The following PIEZO2 variants were observed in gnomAD, a reference collection of about 807,000 sequenced individuals.
PIEZO2 encodes piezo-type mechanosensitive ion channel component 2.
A neutral mutation model predicts 337.3 loss-of-function variants in PIEZO2; 172 were observed. The observed-to-expected ratio is 0.51, with a 90% CI of 0.45 to 0.58. The LOEUF is 0.58. PIEZO2 is among the 20% of genes least tolerant of loss of function. PIEZO2 has a pLI of 0.00. For synonymous variants in PIEZO2, 1,251 were observed against 1,228.5 expected (o/e 1.02, Z -0.38); for missense variants, 3,028 against 3,391.3 (o/e 0.89, Z 2.66).
rs1053984483 is a variant in PIEZO2, at chr18:11,032,678, A to T, written c.160+33449T>A. ...AAATGCATTTCAGTTTTAAAATGTT[A>T]CTGTTCACAGTAGCAGAAATCTCTC... On this transcript the variant is annotated intron_variant, in intron 2 of 55. Transcript: ENST00000674853. The surrounding 1 kb of genome is among the most constrained non-coding windows in gnomAD (Gnocchi z 4.9). Among the ~76,000 whole-genome samples the T allele has an allele frequency of 1.3e-5, 2 of 152,236 alleles. No individual in the cohort carries two copies. Among genetic ancestry groups the T allele is most frequent in the Non-Finnish European group, 2.9e-5 (2 of 68,040 alleles).
chr18:10,748,344 G>C lies in PIEZO2; in HGVS notation c.4424+127C>G. ...CTTGTGCTAAATTCTTCTTGGATTG[G>C]TTTTGCTGGAAGGGATTTCTTAACT... On this transcript the variant is annotated intron_variant, in intron 30 of 55. Transcript: ENST00000674853. The surrounding 1 kb of genome is among the most constrained non-coding windows in gnomAD (Gnocchi z 5.1). The C allele has an allele frequency of 1.1e-6, 1 of 924,984 alleles. No individual in the cohort carries two copies. The highest frequency in any genetic ancestry group is 1.6e-6 in the Non-Finnish European group (1 of 627,516). The allele number at this position is 924,984 out of a possible 1,614,324, so 57.3% of individuals were successfully genotyped here.
At chr18:11,053,737 C>G (rs1302126145) in intron 2 of PIEZO2, among the ~76,000 whole-genome samples, 1 of 152,176 alleles carries the variant, frequency 6.6e-6, no homozygotes, top group East Asian at 1.9e-4. Flanking sequence ...GGTTAAAAGA[C>G]TTAATACCTC....
chr18:10,900,831 C>A (rs1360008213), intron 4 of PIEZO2, among the ~76,000 whole-genome samples: 1 of 152,172 alleles, frequency 6.6e-6, no homozygotes, highest in Non-Finnish European at 1.5e-5. Context: ...TCTTACCTAA[C>A]CACAACCTTC....
At chr18:10,907,340 G>A (rs1310845103) in intron 4 of PIEZO2, among the ~76,000 whole-genome samples, 1 of 151,978 alleles carries the variant, frequency 6.6e-6, no homozygotes, top group African/African-American at 2.4e-5. Flanking sequence ...CTACTTGATA[G>A]GCTGAGGCAG....
rs2034011814 is a variant in PIEZO2, at chr18:10,676,596, A to G, written c.8081+1151T>C. Among the ~76,000 whole-genome samples, 1 of 152,214 alleles carries G rather than the reference A, an allele frequency of 6.6e-6. No individual in the cohort carries two copies. The highest frequency in any genetic ancestry group is 1.5e-5 in the Non-Finnish European group (1 of 68,036). On this transcript the variant is annotated intron_variant, in intron 53 of 55. Coordinates refer to ENST00000674853, the MANE Select transcript of PIEZO2 (RefSeq NM_001378183.1). This position sits in a 1 kb window ranked among gnomAD's most constrained non-coding sequence, Gnocchi z 5.1. ...ATTCAGAGACCCAGGGGCAGGAATA[A>G]TAGTAGAAAAGGGTCTCACAGGGTC...
chr18:10,770,603 C>A (rs1411773975), intron 20 of PIEZO2, among the ~76,000 whole-genome samples: 1 of 152,160 alleles, frequency 6.6e-6, no homozygotes, highest in Admixed American at 6.5e-5. Context: ...CACTCGCTTG[C>A]TTGCTTGCTT....
intron 15 of PIEZO2, among the ~76,000 whole-genome samples, chr18:10,788,795 A>G (rs1354780290): frequency 6.6e-6 from 1 of 152,182 alleles, no homozygotes; most frequent in African/African-American, 2.4e-5. Flanking sequence ...TATTTTGCCC[A>G]GGTTGGTTTG....
rs2040234971 is a variant in PIEZO2 at position 11,127,968 on chromosome 18, C to T, written c.64+20557G>A. On this transcript the variant is annotated intron_variant, in intron 1 of 55. Coordinates refer to ENST00000674853, the MANE Select transcript of PIEZO2 (RefSeq NM_001378183.1). This position sits in a 1 kb window ranked among gnomAD's most constrained non-coding sequence, Gnocchi z 4.5. The stretch of plus-strand genomic sequence containing the variant: ...AGTTGGCTGCTTAGTATGATTAGAC[C>T]TGAAAATGCTAAGGACTCTACTGCT... 6.6e-6 allele frequency among the ~76,000 whole-genome samples: 1 copy of T among 151,830 alleles called. No individual in the cohort carries two copies. Among genetic ancestry groups the T allele is most frequent in the African/African-American group, 2.4e-5 (1 of 41,296 alleles).
In PIEZO2 at chr18:10,675,402, T is replaced by C. The variant is rs1268172119; in HGVS notation, c.8082-114A>G. 5 of 593,534 alleles carry C rather than the reference T, an allele frequency of 8.4e-6. No homozygotes were observed. In the African/African-American group the frequency reaches 9.5e-5, roughly 11 times the overall value. 36.8% of individuals were successfully genotyped at this position (593,534 alleles called of 1,614,324 possible). A position where few individuals can be genotyped will look rare whatever the true frequency, so the allele number is the denominator to read the frequency against. On this transcript the variant is annotated intron_variant, in intron 53 of 55. Coordinates refer to ENST00000674853, the MANE Select transcript of PIEZO2 (RefSeq NM_001378183.1). The stretch of plus-strand genomic sequence containing the variant: ...TCACCAAATAATAGTGAAAGTTTCA[T>C]ATATCTGTACAATGTGTAGACATCA...
chr18:11,134,516 C>T (rs1415179728), intron 1 of PIEZO2, among the ~76,000 whole-genome samples: 1 of 152,124 alleles, frequency 6.6e-6, no homozygotes, highest in Non-Finnish European at 1.5e-5. Flanking sequence ...TCTAAAAAGG[C>T]CCTCATCCCA....
chr18:11,024,493 C>A (rs1325820974), intron 2 of PIEZO2, among the ~76,000 whole-genome samples: 1 of 145,696 alleles, frequency 6.9e-6, no homozygotes, highest in Non-Finnish European at 1.5e-5. Flanking sequence ...TTGCAGTGAG[C>A]CGAGATCGCG....
chr18:10,916,689 G>A (rs536299718), intron 3 of PIEZO2, among the ~76,000 whole-genome samples: 131 of 152,282 alleles, frequency 8.6e-4, no homozygotes, highest in African/African-American at 3.0e-3. Context: ...CAAGGAGAGG[G>A]AGCCAGCTGC....
At chr18:11,007,611 A>T (rs948308219) in intron 2 of PIEZO2, among the ~76,000 whole-genome samples, 1 of 152,208 alleles carries the variant, frequency 6.6e-6, no homozygotes, top group African/African-American at 2.4e-5. Flanking sequence ...AAAATTTTTA[A>T]AGAAGCCAGA....
In PIEZO2 at chr18:10,766,988, C is replaced by A. The variant is rs1025604555; in HGVS notation, c.2946+3160G>T. Among the ~76,000 whole-genome samples the A allele has an allele frequency of 2.1e-5, 3 of 143,508 alleles. No homozygotes were observed. The highest frequency in any genetic ancestry group is 2.2e-4 in the East Asian group (1 of 4,486). 94.1% of individuals were successfully genotyped at this position (143,508 alleles called of 152,430 possible). ...TCCTTCCTTCCTCCCACCTTCCATT[C>A]CCTCCCCTCCCCTCCCCTCCCCTTC... is the stretch of plus-strand genomic sequence containing the variant. On this transcript the variant is annotated intron_variant, in intron 21 of 55. Transcript: ENST00000674853. The surrounding 1 kb of genome is among the most constrained non-coding windows in gnomAD (Gnocchi z 6.1).
At chr18:10,785,574 C>G (rs944506084) in intron 16 of PIEZO2, among the ~76,000 whole-genome samples, 1 of 152,200 alleles carries the variant, frequency 6.6e-6, no homozygotes, top group East Asian at 1.9e-4. Flanking sequence ...TCTCCCCACT[C>G]TAGTATCCCT....
intron 4 of PIEZO2, chr18:10,908,570 T>C (rs2030168237): frequency 6.6e-6 from 1 of 152,242 alleles, no homozygotes; most frequent in African/African-American, 2.4e-5. Flanking sequence ...ACTGTAAATA[T>C]ACAAGAACCT....
chr18:10,765,423 C>T (rs1030111160), intron 21 of PIEZO2, among the ~76,000 whole-genome samples: 5 of 152,230 alleles, frequency 3.3e-5, no homozygotes, highest in African/African-American at 7.2e-5. Flanking sequence ...TCTTATACCA[C>T]GTTACGGTGA....
Position 10,726,255 on chromosome 18 carries a change from C to A in PIEZO2, c.5029+5152G>T. ...GGGCTGGAAGAGCTTGTGTGCGAGC[C>A]TGTGTTCGGGAGCATGAGAATGGAA... On this transcript the variant is annotated intron_variant, in intron 36 of 55. Transcript: ENST00000674853. This position sits in a 1 kb window ranked among gnomAD's most constrained non-coding sequence, Gnocchi z 5.9. 1.3e-6 allele frequency: 1 copy of A among 774,202 alleles called. No homozygotes were observed. The highest frequency in any genetic ancestry group is 2.2e-6 in the Non-Finnish European group (1 of 455,082). 48.0% of individuals were successfully genotyped at this position (774,202 alleles called of 1,614,324 possible).
rs1192699229 is a variant in PIEZO2 at position 10,863,048 on chromosome 18, AGT to A, written c.493-5839_493-5838del. 6.6e-6 allele frequency among the ~76,000 whole-genome samples: 1 copy of A among 152,208 alleles called. No homozygotes were observed. Among genetic ancestry groups the A allele is most frequent in the African/African-American group, 2.4e-5 (1 of 41,440 alleles). ...AAGCTTTTAAAAACATTTCTATAGA[AGT>A]GTATCAAAGTCATGTATAATGAGCC... On this transcript the variant is annotated intron_variant, in intron 5 of 55. Transcript: ENST00000674853. This position sits in a 1 kb window ranked among gnomAD's most constrained non-coding sequence, Gnocchi z 4.3.
Sources: allele counts gnomAD v4.1 joint callset (sites outside exome capture counted in the v4.1 genomes callset), GRCh38; gene constraint gnomAD v4.1.1; non-coding constraint Gnocchi (gnomAD v3.1); transcripts MANE v1.5; gene names NCBI Gene and HGNC (gene_info 2026-07-23, HGNC 2026-07-21).